PRKCA: variants seen among roughly 807,000 people sequenced by gnomAD.
PRKCA encodes the protein protein kinase C alpha, also known as protein kinase C alpha type.
Under a neutral mutation model 87.0 loss-of-function variants are expected in PRKCA, and 27 were observed. The ratio of observed to expected loss-of-function variants is 0.31; its 90% CI spans 0.23 to 0.43. The LOEUF (loss-of-function observed/expected upper bound fraction) is 0.43. Among genes scored for constraint, PRKCA ranks in the 20% least tolerant of loss-of-function variants. The probability of loss-of-function intolerance (pLI) is 1.00; values close to 1 mark genes in which losing one functional copy is unlikely to be tolerated. For missense variants in PRKCA, 518 were observed against 852.3 expected, an observed-to-expected ratio of 0.61 and a Z score of 4.88; for synonymous variants, 329 against 311.1, an observed-to-expected ratio of 1.06 and a Z score of -0.61.
chr17:66,472,917 C>T (rs1172544374), intron 2 of PRKCA, among the ~76,000 whole-genome samples: 1 of 152,162 alleles, frequency 6.6e-6, no homozygotes, highest in Non-Finnish European at 1.5e-5. Flanking sequence ...AGCCTTTGTT[C>T]TCTGCCAGAC....
At chr17:66,457,889 T>A (rs1914642609) in intron 2 of PRKCA, among the ~76,000 whole-genome samples, 1 of 152,172 alleles carries the variant, frequency 6.6e-6, no homozygotes, top group Admixed American at 6.5e-5. Flanking sequence ...ACAGCCATGA[T>A]CACTAGCTGA....
At chr17:66,437,676 A>T (rs929559548) in intron 2 of PRKCA, among the ~76,000 whole-genome samples, 2 of 133,146 alleles carry the variant, frequency 1.5e-5, no homozygotes, top group Admixed American at 8.7e-5. Context: ...CTGAGTCAGG[A>T]TGCTGTGGGT....
chr17:66,610,833 G>A (rs546759330), intron 3 of PRKCA, among the ~76,000 whole-genome samples: 16 of 152,194 alleles, frequency 1.1e-4, no homozygotes, highest in Admixed American at 4.6e-4. Flanking sequence ...TTGAAATTGC[G>A]GAGGGCTAGT....
chr17:66,432,212 C>A (rs541486941), intron 2 of PRKCA, among the ~76,000 whole-genome samples: 57 of 152,238 alleles, frequency 3.7e-4, no homozygotes, highest in African/African-American at 1.3e-3. Flanking sequence ...CGAGGCTGGT[C>A]AGGCTTTGAG....
At chr17:66,364,823 C>T (rs995292341) in intron 2 of PRKCA, among the ~76,000 whole-genome samples, 4 of 152,174 alleles carry the variant, frequency 2.6e-5, no homozygotes, top group African/African-American at 7.2e-5. Flanking sequence ...TCATGGTTTT[C>T]TGCATAACCC....
Position 66,741,680 on chromosome 17 carries a change from C to T in PRKCA, c.1344C>T (p.Ser448=), listed in dbSNP as rs748989012. ...PQAVFYAAEI[S]IGLFFLHKRG... ...GCAGATTCTATGCGGCAGAGATTTC[C>T]ATCGGATTGTTCTTTCTTCATAAAA... The change falls in exon 12 of 17, where the codon TCC becomes TCT. Residue 448 remains serine, a synonymous_variant. Coordinates refer to ENST00000413366, the MANE Select transcript of PRKCA (RefSeq NM_002737.3). 2 of 1,614,124 alleles carry T rather than the reference C, an allele frequency of 1.2e-6. No homozygotes were observed. The highest frequency in any genetic ancestry group is 1.3e-5 in the African/African-American group (1 of 75,036).
At chr17:66,549,939 G>C (rs555290098) in intron 3 of PRKCA, among the ~76,000 whole-genome samples, 4 of 152,070 alleles carry the variant, frequency 2.6e-5, no homozygotes, top group Non-Finnish European at 5.9e-5. Context: ...GTCACCTCTC[G>C]TCACACACCA....
intron 2 of PRKCA, among the ~76,000 whole-genome samples, chr17:66,482,058 G>A (rs113485183): frequency 0.041 from 5,418 of 132,018 alleles, 136 homozygotes; most frequent in Admixed American, 0.073. Context: ...CCAAAATCGC[G>A]CCATTGTACT....
At position 66,788,982 on chromosome 17, in the gene PRKCA, G is replaced by A. The variant is rs756120418; in HGVS notation, c.1854+3G>A. The A allele has an allele frequency of 1.2e-6, 2 of 1,614,098 alleles. No homozygotes were observed. The highest frequency in any genetic ancestry group is 2.2e-5 in the South Asian group (2 of 91,070). On this transcript the variant is annotated splice_donor_region_variant and intron_variant, in intron 16 of 16. Transcript: ENST00000413366. ...AGCCACCATTCAAGCCCAAAGTGGT[G>A]AGTCCAGAAAAGCAGCCTGTTTTCG... is the stretch of plus-strand genomic sequence containing the variant.
intron 3 of PRKCA, among the ~76,000 whole-genome samples, chr17:66,542,512 A>G (rs1968018341): frequency 1.3e-5 from 2 of 152,086 alleles, no homozygotes; most frequent in Admixed American, 1.3e-4. Flanking sequence ...AGCAGTTATG[A>G]AGGACCTGGA....
In PRKCA at chr17:66,304,882, A is replaced by T. The variant is rs78482791; in HGVS notation, c.174-1214A>T. Among the ~76,000 whole-genome samples the T allele has an allele frequency of 2.6e-3, 399 of 152,138 alleles. 2 individuals carry two copies. The highest frequency in any genetic ancestry group is 2.5e-3 in the Non-Finnish European group (173 of 68,008). ...GAGAATATTGCATTTGGTTAAGAGGAGGTCAGCTGTGAGAGTCCATTAAAA... is the reference window on the plus strand; with the variant it reads ...GAGAATATTGCATTTGGTTAAGAGGTGGTCAGCTGTGAGAGTCCATTAAAA... On this transcript the variant is annotated intron_variant, in intron 1 of 16. Coordinates refer to ENST00000413366, the MANE Select transcript of PRKCA (RefSeq NM_002737.3).
chr17:66,645,269 CA>C, intron 4 of PRKCA, 113 bp from the exon 5 acceptor site: 1 of 1,419,836 alleles, frequency 7.0e-7, no homozygotes, highest in Admixed American at 2.0e-5. Flanking sequence ...AACATTATAG[CA>C]AAGTATCGAG....
At chr17:66,653,802 A>AAAAAC (rs1567957126) in intron 5 of PRKCA, among the ~76,000 whole-genome samples, 1 of 135,128 alleles carries the variant, frequency 7.4e-6, no homozygotes, top group Non-Finnish European at 1.7e-5. Flanking sequence ...AAAAAAAAAA[A>AAAAAC]AAAAAAACAA....
intron 2 of PRKCA, among the ~76,000 whole-genome samples, chr17:66,393,948 G>A (rs533701854): frequency 1.3e-5 from 2 of 152,128 alleles, no homozygotes; most frequent in Non-Finnish European, 2.9e-5. Flanking sequence ...GGTGGCAGAC[G>A]CCTGTAATCC....
At chr17:66,365,958 T>A (rs560031477) in intron 2 of PRKCA, among the ~76,000 whole-genome samples, 1 of 152,336 alleles carries the variant, frequency 6.6e-6, no homozygotes, top group East Asian at 1.9e-4. Flanking sequence ...TTGTCTCTCC[T>A]GAGTAGTCTG....
intron 8 of PRKCA, 136 bp from the exon 9 acceptor site, chr17:66,732,552 A>T (rs1973928717): frequency 9.2e-7 from 1 of 1,082,920 alleles, no homozygotes. Flanking sequence ...CAGGTACTCA[A>T]TTCTCACCCT....
At chr17:66,466,402 A>G (rs1915090627) in intron 2 of PRKCA, among the ~76,000 whole-genome samples, 1 of 152,168 alleles carries the variant, frequency 6.6e-6, no homozygotes, top group Non-Finnish European at 1.5e-5. Context: ...CACTGCTCAC[A>G]AGCCACGGGC....
intron 8 of PRKCA, among the ~76,000 whole-genome samples, chr17:66,696,946 A>C (rs1014332599): frequency 1.3e-5 from 2 of 152,070 alleles, no homozygotes; most frequent in African/African-American, 4.8e-5. Flanking sequence ...CAGGTTGCTA[A>C]TGCCACCTTG....
At chr17:66,303,686 A>T (rs887974143) in intron 1 of PRKCA, among the ~76,000 whole-genome samples, 6 of 152,124 alleles carry the variant, frequency 3.9e-5, no homozygotes, top group Non-Finnish European at 7.3e-5. Flanking sequence ...CAAATGGCAC[A>T]AGGGCAGAGG....
Sources: gnomAD v4.1 joint callset for allele counts (sites outside exome capture counted in the v4.1 genomes callset) on GRCh38, gnomAD v4.1.1 for gene constraint, MANE v1.5 for transcripts, NCBI Gene and HGNC (gene_info 2026-07-23, HGNC 2026-07-21) for gene names.